Variants in RAD51B observed in about 807,000 individuals in gnomAD.
The protein encoded by RAD51B is RAD51 paralog B.
In RAD51B, 38 loss-of-function variants were observed where a neutral mutation model predicts 42.2. The ratio of observed to expected loss-of-function variants is 0.90; its 90% CI spans 0.70 to 1.18. The LOEUF (loss-of-function observed/expected upper bound fraction) is 1.18. Ranked by LOEUF, RAD51B falls within the 50% of genes most tolerant of loss-of-function variation. The probability of loss-of-function intolerance (pLI) is 0.00; values close to 1 mark genes in which losing one functional copy is unlikely to be tolerated. For missense variants in RAD51B, 373 were observed against 400.7 expected (o/e 0.93, Z 0.59); for synonymous variants, 154 against 145.2 (o/e 1.06, Z -0.43).
At chr14:68,637,106 G>T (rs1220014757) in intron 10 of RAD51B, among the ~76,000 whole-genome samples, 1 of 151,982 alleles carries the variant, frequency 6.6e-6, no homozygotes, top group Non-Finnish European at 1.5e-5. Flanking sequence ...TTCAGACAGG[G>T]TCTTGCTCCA....
intron 7 of RAD51B, among the ~76,000 whole-genome samples, chr14:67,963,636 A>G (rs529953811): frequency 8.6e-5 from 13 of 152,038 alleles, no homozygotes; most frequent in Admixed American, 2.6e-4. Context: ...CAGTTTCTTC[A>G]TCTGTAATGA....
intron 7 of RAD51B, among the ~76,000 whole-genome samples, chr14:68,154,916 C>T (rs1247116687): frequency 1.3e-5 from 2 of 152,132 alleles, no homozygotes; most frequent in South Asian, 4.1e-4. Context: ...CAGGGAATCT[C>T]TAACTGAAAG....
At chr14:68,637,013 G>C (rs1243429091) in intron 10 of RAD51B, among the ~76,000 whole-genome samples, 3 of 152,162 alleles carry the variant, frequency 2.0e-5, no homozygotes, top group African/African-American at 7.2e-5. Flanking sequence ...GTTTTTATTT[G>C]TTGATTGCTG....
intron 8 of RAD51B, among the ~76,000 whole-genome samples, chr14:68,332,604 A>G (rs1341404489): frequency 6.6e-6 from 1 of 152,210 alleles, no homozygotes; most frequent in African/African-American, 2.4e-5. Flanking sequence ...GGAGCTTATA[A>G]CTATGTATTC....
At chr14:68,638,624 A>G (rs7140554) in intron 10 of RAD51B, among the ~76,000 whole-genome samples, 26,232 of 152,024 alleles carry the variant, frequency 0.17, 2,488 homozygotes, top group Admixed American at 0.21. Flanking sequence ...TGTACCTGGG[A>G]TCTGCCTGGC....
intron 7 of RAD51B, among the ~76,000 whole-genome samples, chr14:68,156,224 A>T (rs1427305554): frequency 6.6e-6 from 1 of 152,156 alleles, no homozygotes; most frequent in East Asian, 1.9e-4. Flanking sequence ...TTGTGTGTGC[A>T]TGCGCCAAGT....
intron 7 of RAD51B, chr14:68,000,355 T>TAGG (rs1379471997): frequency 4.6e-5 from 7 of 152,190 alleles, no homozygotes; most frequent in Admixed American, 1.3e-4. Flanking sequence ...AAAAATTGAT[T>TAGG]TCCTAGGTTT....
At chr14:67,893,781 T>C (rs1421837854) in intron 7 of RAD51B, among the ~76,000 whole-genome samples, 2 of 152,272 alleles carry the variant, frequency 1.3e-5, no homozygotes, top group African/African-American at 2.4e-5. Context: ...CTGGCTGTAT[T>C]TGGAGAAGGG....
At chr14:68,168,417 G>A (rs992104716) in intron 7 of RAD51B, among the ~76,000 whole-genome samples, 3 of 152,040 alleles carry the variant, frequency 2.0e-5, no homozygotes, top group Non-Finnish European at 2.9e-5. Context: ...CGATCTATGA[G>A]GAGCATTATT....
chr14:68,423,213 G>T (rs1455849956), intron 9 of RAD51B, among the ~76,000 whole-genome samples: 1 of 152,096 alleles, frequency 6.6e-6, no homozygotes, highest in Non-Finnish European at 1.5e-5. Context: ...TTCTCTAACA[G>T]AATTCTCTGA....
chr14:68,185,339 C>T (rs1477615939), intron 7 of RAD51B, among the ~76,000 whole-genome samples: 4 of 152,136 alleles, frequency 2.6e-5, no homozygotes, highest in Non-Finnish European at 4.4e-5. Flanking sequence ...GAGTGGCATG[C>T]AAATTCTTGA....
At chr14:68,415,401 T>C (rs879391758) in intron 9 of RAD51B, among the ~76,000 whole-genome samples, 3 of 152,226 alleles carry the variant, frequency 2.0e-5, no homozygotes, top group Non-Finnish European at 4.4e-5. Flanking sequence ...ACTCATTCAT[T>C]TGACAAACCT....
chr14:68,207,193 T>A (rs1309006551), intron 7 of RAD51B, among the ~76,000 whole-genome samples: 2 of 151,994 alleles, frequency 1.3e-5, no homozygotes, highest in Non-Finnish European at 2.9e-5. Flanking sequence ...TTCAGTGAAG[T>A]GAACTTGGGG....
At chr14:68,037,772 A>G (rs887160340) in intron 7 of RAD51B, among the ~76,000 whole-genome samples, 2 of 152,224 alleles carry the variant, frequency 1.3e-5, no homozygotes, top group African/African-American at 4.8e-5. Flanking sequence ...GTTTTGCAGC[A>G]TAATAACACT....
intron 10 of RAD51B, among the ~76,000 whole-genome samples, chr14:68,620,827 T>C (rs1006327720): frequency 1.3e-5 from 2 of 152,232 alleles, no homozygotes; most frequent in African/African-American, 4.8e-5. Context: ...GCAGACACAA[T>C]GCCTTGTAGT....
chr14:68,400,459 C>T (rs953864608), intron 8 of RAD51B, among the ~76,000 whole-genome samples: 2 of 152,168 alleles, frequency 1.3e-5, no homozygotes, highest in African/African-American at 4.8e-5. Flanking sequence ...CATTCTGCCT[C>T]AGCCAGTGCC....
intron 7 of RAD51B, among the ~76,000 whole-genome samples, chr14:68,099,822 C>T (rs1162108535): frequency 6.6e-6 from 1 of 152,146 alleles, no homozygotes; most frequent in East Asian, 1.9e-4. Flanking sequence ...TGTGCCAATG[C>T]CTGTATTGAG....
intron 8 of RAD51B, among the ~76,000 whole-genome samples, chr14:68,340,339 A>G (rs1246326621): frequency 6.6e-6 from 1 of 152,224 alleles, no homozygotes; most frequent in Non-Finnish European, 1.5e-5. Flanking sequence ...GAAAATCTAC[A>G]TTGCTGAAAT....
At chr14:68,418,947 C>A (rs2084628321) in intron 9 of RAD51B, among the ~76,000 whole-genome samples, 1 of 152,136 alleles carries the variant, frequency 6.6e-6, no homozygotes, top group African/African-American at 2.4e-5. Context: ...TGACAGTGCC[C>A]ATCTGAGATA....
Sources: allele counts gnomAD v4.1 joint callset (sites outside exome capture counted in the v4.1 genomes callset), GRCh38; gene constraint gnomAD v4.1.1; transcripts MANE v1.5; gene names NCBI Gene and HGNC (gene_info 2026-07-23, HGNC 2026-07-21).